Variants in CYTH3 observed in about 807,000 individuals in gnomAD.
CYTH3 encodes the protein cytohesin 3.
In CYTH3, 23 loss-of-function variants were observed where a neutral mutation model predicts 55.1. The ratio of observed to expected loss-of-function variants is 0.42; its 90% CI spans 0.30 to 0.59. The LOEUF is 0.59. CYTH3 is among the 20% of genes least tolerant of loss of function. The pLI is 0.20. For missense variants in CYTH3, 413 were observed against 524.8 expected (o/e 0.79, Z 2.08); for synonymous variants, 249 against 194.9 (o/e 1.28, Z -2.31).
intron 1 of CYTH3, among the ~76,000 whole-genome samples, chr7:6,205,550 G>C (rs192246805): frequency 3.9e-5 from 6 of 152,052 alleles, no homozygotes; most frequent in Non-Finnish European, 8.8e-5. Context: ...CTCCAGCCTG[G>C]GCAAAAGAAT....
intron 1 of CYTH3, among the ~76,000 whole-genome samples, chr7:6,241,618 T>C (rs1399865343): frequency 6.6e-6 from 1 of 151,488 alleles, no homozygotes; most frequent in Non-Finnish European, 1.5e-5. Context: ...CTCTACAACA[T>C]AATAGCGAAA....
chr7:6,189,806 G>A (rs1237466100), intron 2 of CYTH3, among the ~76,000 whole-genome samples: 5 of 152,106 alleles, frequency 3.3e-5, no homozygotes, highest in Non-Finnish European at 7.4e-5. Context: ...GGAGGCTGAG[G>A]TGAGCGGATC....
chr7:6,189,317 T>C (rs1411453539), intron 2 of CYTH3, among the ~76,000 whole-genome samples: 2 of 152,022 alleles, frequency 1.3e-5, no homozygotes, highest in African/African-American at 2.4e-5. Context: ...TCTTTACTTT[T>C]TCTTTTTTTT....
chr7:6,266,975 A>AG (rs1780512380), intron 1 of CYTH3, among the ~76,000 whole-genome samples: 1 of 152,206 alleles, frequency 6.6e-6, no homozygotes, highest in Non-Finnish European at 1.5e-5. Context: ...CAGGACTTGG[A>AG]GGGGAGGCGA....
At chr7:6,212,420 C>T (rs578182621) in intron 1 of CYTH3, among the ~76,000 whole-genome samples, 1 of 152,226 alleles carries the variant, frequency 6.6e-6, no homozygotes, top group South Asian at 2.1e-4. Flanking sequence ...ATACTAACTC[C>T]CCAATTCTCC....
chr7:6,201,906 C>T (rs923854142), intron 1 of CYTH3, among the ~76,000 whole-genome samples: 1 of 151,914 alleles, frequency 6.6e-6, no homozygotes, highest in Non-Finnish European at 1.5e-5. Context: ...CAAAAAAAGG[C>T]AAGGAAAGAG....
chr7:6,247,386 G>A lies in CYTH3; in HGVS notation c.34+25088C>T, dbSNP rs139102929. Among the ~76,000 whole-genome samples, 46 of 152,150 alleles carry A rather than the reference G, an allele frequency of 3.0e-4. 1 individual carries two copies. The East Asian group carries it at 8.9e-3, about 29-fold the overall frequency. ...TGCTCTTCCCACTAATTTTATCTAA[G>A]GCAGAATGAGCTCTTTGAATATACA... On this transcript the variant is annotated intron_variant, in intron 1 of 12. Coordinates refer to ENST00000350796, the MANE Select transcript of CYTH3 (RefSeq NM_004227.4).
At chr7:6,168,673 C>T (rs1303422363) in intron 9 of CYTH3, among the ~76,000 whole-genome samples, 1 of 152,252 alleles carries the variant, frequency 6.6e-6, no homozygotes, top group South Asian at 2.1e-4. Flanking sequence ...GCTCTTGGTT[C>T]CCGTGAGCAC....
intron 1 of CYTH3, among the ~76,000 whole-genome samples, chr7:6,215,162 G>C (rs997737584): frequency 3.3e-5 from 5 of 152,158 alleles, no homozygotes; most frequent in African/African-American, 1.2e-4. Context: ...GAGTTGACAA[G>C]GAAAATCGCA....
At chr7:6,261,373 T>C (rs1026756561) in intron 1 of CYTH3, among the ~76,000 whole-genome samples, 1 of 152,156 alleles carries the variant, frequency 6.6e-6, no homozygotes, top group African/African-American at 2.4e-5. Context: ...CTAAAGGCTA[T>C]AACCTAGAAG....
chr7:6,230,335 G>A (rs1454615305), intron 1 of CYTH3, among the ~76,000 whole-genome samples: 1 of 152,102 alleles, frequency 6.6e-6, no homozygotes, highest in Non-Finnish European at 1.5e-5. Context: ...TCTCCATAAA[G>A]CAGAGTCTCA....
At chr7:6,165,241 G>A (rs762373616) in intron 12 of CYTH3, 32 bp downstream of exon 12, 62 of 1,590,478 alleles carry the variant, frequency 3.9e-5, no homozygotes, top group Middle Eastern at 1.9e-4. Flanking sequence ...ACGAGAAGAC[G>A]GGCCTGGCCC....
At chr7:6,180,031 G>A (rs1333766620) in intron 4 of CYTH3, among the ~76,000 whole-genome samples, 3 of 152,164 alleles carry the variant, frequency 2.0e-5, no homozygotes, top group Non-Finnish European at 4.4e-5. Context: ...AGACAGTGCT[G>A]GGGCTTTGCT....
intron 1 of CYTH3, among the ~76,000 whole-genome samples, chr7:6,263,850 T>C (rs1043898195): frequency 2.0e-5 from 3 of 151,370 alleles, no homozygotes; most frequent in African/African-American, 7.3e-5. Flanking sequence ...CAAAACGTGA[T>C]CGCAGTTAAA....
intron 1 of CYTH3, among the ~76,000 whole-genome samples, chr7:6,194,978 AAAAT>A (rs1263482439): frequency 1.3e-5 from 2 of 152,108 alleles, no homozygotes; most frequent in East Asian, 1.9e-4. Context: ...TCCATCTCAA[AAAAT>A]AAATAAATAA....
chr7:6,218,985 C>T (rs1355852023), intron 1 of CYTH3, among the ~76,000 whole-genome samples: 3 of 113,744 alleles, frequency 2.6e-5, no homozygotes, highest in African/African-American at 3.6e-5. Flanking sequence ...AGGCTGGCAA[C>T]GGGGAGAGAC....
At chr7:6,269,491 C>T (rs144744388) in intron 1 of CYTH3, among the ~76,000 whole-genome samples, 35 of 152,286 alleles carry the variant, frequency 2.3e-4, no homozygotes, top group Admixed American at 5.2e-4. Context: ...TTCACCTCAT[C>T]TGCCAGGGAT....
At chr7:6,237,086 T>G (rs1017677044) in intron 1 of CYTH3, among the ~76,000 whole-genome samples, 3 of 152,188 alleles carry the variant, frequency 2.0e-5, no homozygotes, top group African/African-American at 7.2e-5. Context: ...GCTCAAAGAA[T>G]TCCTGATCAA....
chr7:6,202,178 C>T (rs181700979), intron 1 of CYTH3, among the ~76,000 whole-genome samples: 294 of 152,332 alleles, frequency 1.9e-3, no homozygotes, highest in African/African-American at 6.7e-3. Context: ...TGTCCCTCCC[C>T]TGTCCTGGAA....
Sources: allele counts gnomAD v4.1 joint callset (sites outside exome capture counted in the v4.1 genomes callset), GRCh38; gene constraint gnomAD v4.1.1; transcripts MANE v1.5; gene names NCBI Gene and HGNC (gene_info 2026-07-23, HGNC 2026-07-21).